The following NRG1 variants were observed in gnomAD, a reference collection of about 807,000 sequenced individuals.
NRG1 encodes the protein pro-neuregulin-1, membrane-bound isoform.
NRG1 carries 18 observed loss-of-function variants against 63.8 expected under a neutral mutation model. The observed-to-expected ratio is 0.28, with a 90% CI of 0.19 to 0.42. NRG1 has a LOEUF of 0.42. Ranked by LOEUF, NRG1 falls within the 10% of genes least tolerant of loss-of-function variation. NRG1 has a pLI of 1.00. For synonymous variants in NRG1, 302 were observed against 301.3 expected, an observed-to-expected ratio of 1.00 and a Z score of -0.02; for missense variants, 762 against 814.7, an observed-to-expected ratio of 0.94 and a Z score of 0.79.
rs1825679512 is a variant in NRG1, at chr8:32,484,425, C to G, written c.38-111403C>G. Among the ~76,000 whole-genome samples the G allele has an allele frequency of 2.0e-5, 3 of 152,168 alleles. No homozygotes were observed. In the South Asian group the frequency reaches 6.2e-4, roughly 31 times the overall value. On this transcript the variant is annotated intron_variant, in intron 1 of 10. Coordinates refer to the NRG1 transcript ENST00000519301. ...TTTGACAGAGATTTCAAGAGCAGAT[C>G]ACTGATGAAATGTGATAACATTCAG...
chr8:32,330,431 G>T (rs1347873316), intron 1 of NRG1, among the ~76,000 whole-genome samples: 1 of 152,206 alleles, frequency 6.6e-6, no homozygotes, highest in Non-Finnish European at 1.5e-5. Flanking sequence ...TGTTAGTGCA[G>T]TAGGTTTATT....
At chr8:32,593,703 A>T (rs923116904) in intron 1 of NRG1, among the ~76,000 whole-genome samples, 1 of 152,108 alleles carries the variant, frequency 6.6e-6, no homozygotes, top group African/African-American at 2.4e-5. Context: ...ATTAAAAATG[A>T]TCTTAAGGAG....
intron 1 of NRG1, among the ~76,000 whole-genome samples, chr8:31,880,673 G>A (rs908957447): frequency 6.6e-6 from 1 of 152,124 alleles, no homozygotes; most frequent in Non-Finnish European, 1.5e-5. Context: ...TTAGGCAAAA[G>A]TCATATATAA....
chr8:32,628,999 G>A (rs1335301687), intron 5 of NRG1, among the ~76,000 whole-genome samples: 1 of 152,072 alleles, frequency 6.6e-6, no homozygotes, highest in Non-Finnish European at 1.5e-5. Context: ...CTCCCAAAGG[G>A]CTGGTATTAC....
At chr8:32,712,661 G>C (rs1818123661) in intron 5 of NRG1, among the ~76,000 whole-genome samples, 1 of 152,050 alleles carries the variant, frequency 6.6e-6, no homozygotes, top group South Asian at 2.1e-4. Context: ...ATAGAGTTTA[G>C]CTAAGCACTG....
intron 1 of NRG1, among the ~76,000 whole-genome samples, chr8:31,735,315 C>T (rs902128131): frequency 7.2e-5 from 11 of 151,998 alleles, no homozygotes; most frequent in Admixed American, 2.6e-4. Flanking sequence ...ATTTAAGGGC[C>T]ATATTTAGTG....
At chr8:32,592,589 C>A (rs1842714777) in intron 1 of NRG1, among the ~76,000 whole-genome samples, 1 of 151,666 alleles carries the variant, frequency 6.6e-6, no homozygotes, top group Non-Finnish European at 1.5e-5. Context: ...CTAATGAAGA[C>A]AGAAGGTGAA....
chr8:31,777,482 A>T (rs1185147070), intron 1 of NRG1, among the ~76,000 whole-genome samples: 2 of 152,230 alleles, frequency 1.3e-5, no homozygotes, highest in East Asian at 1.9e-4. Context: ...TCCCAGGCCC[A>T]TGTGCCTGCA....
At chr8:31,786,817 ACT>A (rs1820218380) in intron 1 of NRG1, among the ~76,000 whole-genome samples, 1 of 151,942 alleles carries the variant, frequency 6.6e-6, no homozygotes, top group African/African-American at 2.4e-5. Context: ...CCTCCAGGAA[ACT>A]CTGTATATTC....
intron 1 of NRG1, among the ~76,000 whole-genome samples, chr8:32,261,488 A>G (rs1411184892): frequency 3.3e-5 from 5 of 152,070 alleles, no homozygotes; most frequent in Admixed American, 2.0e-4. Context: ...GACATTGCTG[A>G]CACATGGACA....
At chr8:32,615,723 A>G (rs987829193) in intron 4 of NRG1, among the ~76,000 whole-genome samples, 1 of 152,014 alleles carries the variant, frequency 6.6e-6, no homozygotes, top group African/African-American at 2.4e-5. Flanking sequence ...ACATCTCTGT[A>G]TCCTAGACTA....
At chr8:32,466,019 T>C in intron 1 of NRG1, among the ~76,000 whole-genome samples, 1 of 152,176 alleles carries the variant, frequency 6.6e-6, no homozygotes, top group Non-Finnish European at 1.5e-5. Flanking sequence ...TACTTCTATA[T>C]GTTCAAAACT....
chr8:32,522,872 C>T lies in NRG1; in HGVS notation c.38-72956C>T, dbSNP rs112333789. Reference sequence around the variant, plus strand: ...CTAGGCTGGACTGCAGTGGTGCCATCATAGCTCACTGCAGCCTCAAACTCC... The same window carrying T: ...CTAGGCTGGACTGCAGTGGTGCCATTATAGCTCACTGCAGCCTCAAACTCC... On this transcript the variant is annotated intron_variant, in intron 1 of 10. Coordinates refer to the NRG1 transcript ENST00000519301. Among the ~76,000 whole-genome samples the T allele has an allele frequency of 1.3e-3, 196 of 150,868 alleles. 1 individual carries two copies. The highest frequency in any genetic ancestry group is 4.6e-3 in the African/African-American group (187 of 41,034).
At chr8:31,769,085 T>G (rs905281137) in intron 1 of NRG1, among the ~76,000 whole-genome samples, 1 of 152,230 alleles carries the variant, frequency 6.6e-6, no homozygotes, top group Non-Finnish European at 1.5e-5. Flanking sequence ...TTTAAAAATT[T>G]CTCAACATTT....
intron 5 of NRG1, among the ~76,000 whole-genome samples, chr8:32,724,790 T>A (rs969665749): frequency 6.6e-6 from 1 of 152,180 alleles, no homozygotes; most frequent in Non-Finnish European, 1.5e-5. Context: ...AGGATAAAAG[T>A]GCTAAGCATA....
chr8:32,595,859 C>T (rs1258210500), exon 2 of NRG1: 1 of 1,611,940 alleles, frequency 6.2e-7, no homozygotes, highest in Admixed American at 1.7e-5. Context: ...AGATGAAAAG[C>T]CAGGAATCGG....
intron 1 of NRG1, among the ~76,000 whole-genome samples, chr8:32,365,961 C>CTAT (rs1352300280): frequency 1.6e-4 from 25 of 152,184 alleles, no homozygotes; most frequent in African/African-American, 5.8e-4. Flanking sequence ...TTCTGTCTTT[C>CTAT]TATTCATAGG....
intron 5 of NRG1, among the ~76,000 whole-genome samples, chr8:32,698,166 A>G (rs1813846676): frequency 6.6e-6 from 1 of 151,822 alleles, no homozygotes; most frequent in Admixed American, 6.6e-5. Flanking sequence ...AGATTGCACC[A>G]ATGCCCTCCA....
At chr8:31,800,966 A>G (rs1279329809) in intron 1 of NRG1, among the ~76,000 whole-genome samples, 2 of 146,938 alleles carry the variant, frequency 1.4e-5, no homozygotes, top group Non-Finnish European at 3.0e-5. Flanking sequence ...TCAGCCTCCC[A>G]AGTAGCTGGG....
Sources: gnomAD v4.1 joint callset for allele counts (sites outside exome capture counted in the v4.1 genomes callset) on GRCh38, gnomAD v4.1.1 for gene constraint, MANE v1.5 for transcripts, NCBI Gene and HGNC (gene_info 2026-07-23, HGNC 2026-07-21) for gene names.